RGS7: variants seen among roughly 807,000 people sequenced by gnomAD.
RGS7 encodes regulator of G protein signaling 7.
RGS7 carries 27 observed loss-of-function variants against 81.1 expected under a neutral mutation model. The observed-to-expected ratio is 0.33, with a 90% CI of 0.25 to 0.46. The LOEUF (loss-of-function observed/expected upper bound fraction) is 0.46. Among genes scored for constraint, RGS7 ranks in the 20% least tolerant of loss-of-function variants. The pLI, the probability that RGS7 is intolerant of heterozygous loss-of-function variation, is 1.00. For synonymous variants in RGS7, 208 were observed against 207.7 expected (o/e 1.00, Z -0.01); for missense variants, 396 against 607.4 (o/e 0.65, Z 3.66).
intron 2 of RGS7, among the ~76,000 whole-genome samples, chr1:241,269,562 C>T (rs2077763059): frequency 1.3e-5 from 2 of 152,090 alleles, no homozygotes; most frequent in Non-Finnish European, 2.9e-5. Flanking sequence ...GCTTGTGTGT[C>T]CATATGCTCC....
chr1:240,905,502 C>T (rs545730615), intron 6 of RGS7, among the ~76,000 whole-genome samples: 1 of 152,290 alleles, frequency 6.6e-6, no homozygotes, highest in Admixed American at 6.5e-5. Context: ...CACCCAACCA[C>T]AACTGAGAAA....
intron 3 of RGS7, among the ~76,000 whole-genome samples, chr1:241,094,114 T>C (rs1410140234): frequency 4.6e-5 from 7 of 152,144 alleles, no homozygotes; most frequent in Non-Finnish European, 7.3e-5. Flanking sequence ...TGCCTTATCT[T>C]CTCTGCTTCT....
chr1:241,230,612 T>C (rs888179257), intron 2 of RGS7, among the ~76,000 whole-genome samples: 6 of 152,224 alleles, frequency 3.9e-5, no homozygotes, highest in African/African-American at 1.4e-4. Flanking sequence ...GTGCTCTGAG[T>C]GAGCAAAAAC....
chr1:240,845,436 C>A (rs754967210), intron 9 of RGS7, among the ~76,000 whole-genome samples: 1 of 152,132 alleles, frequency 6.6e-6, no homozygotes, highest in Non-Finnish European at 1.5e-5. Flanking sequence ...CAAAGCCGGT[C>A]CTGGTGCGAT....
chr1:241,309,124 C>T (rs2080347145), intron 2 of RGS7, among the ~76,000 whole-genome samples: 1 of 152,082 alleles, frequency 6.6e-6, no homozygotes, highest in Non-Finnish European at 1.5e-5. Flanking sequence ...CGGTGGCTCA[C>T]ACCTGTAATC....
chr1:240,810,678 G>T (rs1689695784), intron 14 of RGS7, among the ~76,000 whole-genome samples: 1 of 152,082 alleles, frequency 6.6e-6, no homozygotes, highest in African/African-American at 2.4e-5. Flanking sequence ...TCAAATTCCT[G>T]GCCTCAAGAG....
chr1:240,942,248 TA>T (rs1677714987), intron 4 of RGS7, among the ~76,000 whole-genome samples: 1 of 152,178 alleles, frequency 6.6e-6, no homozygotes, highest in South Asian at 2.1e-4. Flanking sequence ...AACCACAGTA[TA>T]AAAGAGGCTT....
At chr1:240,882,575 TCACAAAACAGATACGACA>T (rs1666590133) in intron 6 of RGS7, among the ~76,000 whole-genome samples, 1 of 152,068 alleles carries the variant, frequency 6.6e-6, no homozygotes, top group Non-Finnish European at 1.5e-5. Flanking sequence ...GTCTCAGTGA[TCACAAAACAGATACGACA>T]CACAAAACGT....
intron 3 of RGS7, among the ~76,000 whole-genome samples, chr1:241,034,371 C>T (rs998916530): frequency 2.6e-5 from 4 of 152,308 alleles, no homozygotes; most frequent in African/African-American, 9.6e-5. Flanking sequence ...AGTTATGTTA[C>T]TGTTGCCGGA....
chr1:240,810,607 C>T (rs552307970), intron 14 of RGS7, among the ~76,000 whole-genome samples: 3 of 152,000 alleles, frequency 2.0e-5, no homozygotes, highest in Non-Finnish European at 4.4e-5. Flanking sequence ...CCACCATGCC[C>T]GGTTAATTTT....
At chr1:241,102,349 A>G (rs2064816345) in intron 2 of RGS7, among the ~76,000 whole-genome samples, 1 of 152,102 alleles carries the variant, frequency 6.6e-6, no homozygotes, top group African/African-American at 2.4e-5. Context: ...CCCCAGGGAA[A>G]CCCTGGAAGC....
At chr1:241,356,601 C>T (rs1431282660) in intron 1 of RGS7, among the ~76,000 whole-genome samples, 2 of 152,148 alleles carry the variant, frequency 1.3e-5, no homozygotes, top group Non-Finnish European at 2.9e-5. Context: ...AGCAACCAGC[C>T]AAAGAGGAGA....
In RGS7 at chr1:240,871,825, A is replaced by G. The variant is rs1664540912; in HGVS notation, c.386-1706T>C. ...CTTAAATATCTAATTGAATAATTTCAGCTTTCCTGTGGAATTACCTCTGAT... is the reference window on the plus strand; with the variant it reads ...CTTAAATATCTAATTGAATAATTTCGGCTTTCCTGTGGAATTACCTCTGAT... On this transcript the variant is annotated intron_variant, in intron 6 of 18. Transcript: ENST00000440928. Among the ~76,000 whole-genome samples the G allele has an allele frequency of 2.0e-5, 3 of 152,238 alleles. No individual in the cohort carries two copies. In the South Asian group the frequency reaches 6.2e-4, roughly 32 times the overall value.
At chr1:240,911,098 TTC>T in intron 6 of RGS7, among the ~76,000 whole-genome samples, 1 of 152,158 alleles carries the variant, frequency 6.6e-6, no homozygotes, top group East Asian at 1.9e-4. Flanking sequence ...TTTATTGTCT[TTC>T]TCTCTCTCAA....
chr1:241,148,455 T>TATGTC (rs1323720765), intron 2 of RGS7, among the ~76,000 whole-genome samples: 2 of 152,238 alleles, frequency 1.3e-5, no homozygotes, highest in Non-Finnish European at 2.9e-5. Context: ...TTTCCTTATG[T>TATGTC]ATGTCTTTCT....
chr1:241,106,735 A>C (rs1238827730), intron 2 of RGS7, among the ~76,000 whole-genome samples: 73 of 96,200 alleles, frequency 7.6e-4, no homozygotes, highest in African/African-American at 3.7e-3. Context: ...AAAAAAAAAA[A>C]AAAACCAACA....
chr1:241,268,864 C>G (rs1454034654), intron 2 of RGS7, among the ~76,000 whole-genome samples: 1 of 152,140 alleles, frequency 6.6e-6, no homozygotes, highest in African/African-American at 2.4e-5. Context: ...TGACTCCTCA[C>G]CTCTTCACTA....
chr1:241,018,446 ATGTT>A (rs1308112033), intron 3 of RGS7, among the ~76,000 whole-genome samples: 1 of 152,000 alleles, frequency 6.6e-6, no homozygotes, highest in Non-Finnish European at 1.5e-5. Flanking sequence ...GTCATGTCTA[ATGTT>A]TGTTGCAGCT....
At chr1:241,047,344 C>A (rs1191019038) in intron 3 of RGS7, among the ~76,000 whole-genome samples, 1 of 152,124 alleles carries the variant, frequency 6.6e-6, no homozygotes. Flanking sequence ...AATACTTGAT[C>A]CAACTCCCTT....
Sources: allele counts gnomAD v4.1 joint callset (sites outside exome capture counted in the v4.1 genomes callset), GRCh38; gene constraint gnomAD v4.1.1; transcripts MANE v1.5; gene names NCBI Gene and HGNC (gene_info 2026-07-23, HGNC 2026-07-21).